Variants in LCLAT1 observed in about 807,000 individuals in gnomAD.
The protein encoded by LCLAT1 is 1-AGP acyltransferase 8.
In LCLAT1, 11 loss-of-function variants were observed where a neutral mutation model predicts 30.7. The ratio of observed to expected loss-of-function variants is 0.36; its 90% CI spans 0.23 to 0.59. LCLAT1 has a LOEUF of 0.59. LCLAT1 is among the 20% of genes least tolerant of loss of function. LCLAT1 has a pLI of 0.77. For synonymous variants in LCLAT1, 155 were observed against 151.3 expected, an observed-to-expected ratio of 1.02 and a Z score of -0.18; for missense variants, 402 against 458.6, an observed-to-expected ratio of 0.88 and a Z score of 1.13.
At chr2:30,635,486 TAC>T (rs1294051878) in intron 5 of LCLAT1, among the ~76,000 whole-genome samples, 4 of 152,164 alleles carry the variant, frequency 2.6e-5, no homozygotes, top group Non-Finnish European at 5.9e-5. Context: ...TTTCTAACAT[TAC>T]AGTGTTACTC....
chr2:30,554,394 A>G (rs186488651), intron 3 of LCLAT1, among the ~76,000 whole-genome samples: 1 of 152,348 alleles, frequency 6.6e-6, no homozygotes, highest in Admixed American at 6.5e-5. Context: ...AATATAAACT[A>G]TGTGTAATTA....
chr2:30,598,132 G>A (rs188713781), intron 5 of LCLAT1, among the ~76,000 whole-genome samples: 263 of 152,262 alleles, frequency 1.7e-3, no homozygotes, highest in African/African-American at 4.8e-3. Context: ...CCAGGTTTTG[G>A]TATCAGGATA....
At chr2:30,625,795 A>G (rs2148521588) in intron 5 of LCLAT1, among the ~76,000 whole-genome samples, 1 of 152,336 alleles carries the variant, frequency 6.6e-6, no homozygotes, top group East Asian at 1.9e-4. Flanking sequence ...ATTTTTAGAA[A>G]GTAAAGTAGC....
intron 3 of LCLAT1, chr2:30,552,724 T>C: frequency 4.5e-6 from 1 of 221,636 alleles, no homozygotes. Flanking sequence ...GTTGAAATTC[T>C]GAAAAGTATA....
intron 2 of LCLAT1, among the ~76,000 whole-genome samples, chr2:30,526,830 T>C (rs1685744664): frequency 6.6e-6 from 1 of 152,210 alleles, no homozygotes; most frequent in South Asian, 2.1e-4. Flanking sequence ...ACTAATTTCT[T>C]TTCTGGCTTT....
chr2:30,461,896 G>A (rs939170509), intron 1 of LCLAT1, among the ~76,000 whole-genome samples: 9 of 148,824 alleles, frequency 6.0e-5, no homozygotes, highest in Non-Finnish European at 8.9e-5. Flanking sequence ...TCAGCCTCCC[G>A]CGTAGCTGGG....
chr2:30,462,810 A>G (rs1682228754), intron 1 of LCLAT1, among the ~76,000 whole-genome samples: 1 of 152,222 alleles, frequency 6.6e-6, no homozygotes, highest in African/African-American at 2.4e-5. Flanking sequence ...ATAAAAGTTC[A>G]AAAATTTTTT....
chr2:30,459,566 T>A, intron 1 of LCLAT1: 1 of 1,300,514 alleles, frequency 7.7e-7, no homozygotes, highest in Non-Finnish European at 1.1e-6. Context: ...AAAAACAGAG[T>A]GGGTACTCTC....
At chr2:30,571,556 A>G (rs1665782015) in intron 5 of LCLAT1, among the ~76,000 whole-genome samples, 2 of 152,250 alleles carry the variant, frequency 1.3e-5, no homozygotes, top group Non-Finnish European at 2.9e-5. Context: ...TGGAGGACTA[A>G]AGGTGACCAA....
At position 30,521,489 on chromosome 2, in the gene LCLAT1, C is replaced by CTTTTTTTTTTTT. The variant is rs1262784785; in HGVS notation, c.-4-4096_-4-4095insTTTTTTTTTTTT. The stretch of plus-strand genomic sequence containing the variant: ...GTTTCCTCAACCCCCTAAACTACTT[C>CTTTTTTTTTTTT]TTCTTTTTTTTTTTTTTTTTTTTTT... On this transcript the variant is annotated intron_variant, in intron 1 of 5. Transcript: ENST00000379509. 2.0e-4 allele frequency among the ~76,000 whole-genome samples: 11 copies of CTTTTTTTTTTTT among 55,556 alleles called. 1 individual carries two copies. Among genetic ancestry groups the CTTTTTTTTTTTT allele is most frequent in the East Asian group, 1.7e-3 (3 of 1,748 alleles). The allele number at this position is 55,556 out of a possible 152,430, so 36.4% of individuals were successfully genotyped here.
intron 5 of LCLAT1, among the ~76,000 whole-genome samples, chr2:30,632,170 C>A (rs1344969417): frequency 6.6e-6 from 1 of 152,128 alleles, no homozygotes; most frequent in East Asian, 1.9e-4. Flanking sequence ...CAAGACTGTT[C>A]ACAAGTATAC....
chr2:30,635,653 C>G (rs963360924), intron 5 of LCLAT1, among the ~76,000 whole-genome samples: 1 of 152,006 alleles, frequency 6.6e-6, no homozygotes, highest in Non-Finnish European at 1.5e-5. Flanking sequence ...ATAATTCTTT[C>G]AGAACCAAGA....
intron 1 of LCLAT1, among the ~76,000 whole-genome samples, chr2:30,455,672 A>G (rs1308463213): frequency 6.6e-6 from 1 of 152,040 alleles, no homozygotes; most frequent in African/African-American, 2.4e-5. Context: ...GCCTGAAACC[A>G]TCCTCTGGGA....
chr2:30,473,724 A>G (rs1682912245), intron 1 of LCLAT1, among the ~76,000 whole-genome samples: 1 of 152,194 alleles, frequency 6.6e-6, no homozygotes, highest in Non-Finnish European at 1.5e-5. Flanking sequence ...TTAACTGTTT[A>G]CAGGGAATGA....
At chr2:30,637,825 G>T (rs184800459) in intron 5 of LCLAT1, among the ~76,000 whole-genome samples, 2 of 152,184 alleles carry the variant, frequency 1.3e-5, no homozygotes, top group Admixed American at 6.5e-5. Flanking sequence ...TGATCCACCC[G>T]CCTCGGCCTC....
intron 1 of LCLAT1, among the ~76,000 whole-genome samples, chr2:30,461,770 CTTT>C (rs1553354407): frequency 1.5e-5 from 2 of 131,794 alleles, no homozygotes; most frequent in African/African-American, 2.7e-5. Context: ...CTAAATTAAA[CTTT>C]TTTTTTTTTT....
At chr2:30,544,596 G>T (rs893074005) in intron 3 of LCLAT1, among the ~76,000 whole-genome samples, 1 of 151,962 alleles carries the variant, frequency 6.6e-6, no homozygotes, top group African/African-American at 2.4e-5. Flanking sequence ...CCTTCCTTCA[G>T]TCCCATCCTT....
intron 3 of LCLAT1, among the ~76,000 whole-genome samples, chr2:30,561,666 T>C (rs1463915674): frequency 6.6e-6 from 1 of 152,150 alleles, no homozygotes; most frequent in South Asian, 2.1e-4. Context: ...ACATTGAAAA[T>C]AGCAGTTGGA....
chr2:30,550,662 A>G (rs1313345965), intron 3 of LCLAT1, among the ~76,000 whole-genome samples: 1 of 152,142 alleles, frequency 6.6e-6, no homozygotes, highest in Non-Finnish European at 1.5e-5. Context: ...TCACTTAGTT[A>G]AGGTGGTATC....
Sources: allele counts gnomAD v4.1 joint callset (sites outside exome capture counted in the v4.1 genomes callset), GRCh38; gene constraint gnomAD v4.1.1; transcripts MANE v1.5; gene names NCBI Gene and HGNC (gene_info 2026-07-23, HGNC 2026-07-21).